Variants in AK8 observed in about 807,000 individuals in gnomAD.
The protein encoded by AK8 is adenylate kinase 8, also known as ATP-AMP transphosphorylase 8.
Under a neutral mutation model 54.6 loss-of-function variants are expected in AK8, and 44 were observed. The ratio of observed to expected loss-of-function variants is 0.81; its 90% CI spans 0.63 to 1.04. The LOEUF (loss-of-function observed/expected upper bound fraction) is 1.04, where lower values mean the gene tolerates loss of function less well. AK8 is among the 50% of genes least tolerant of loss of function. AK8 has a pLI of 0.00. For synonymous variants in AK8, 239 were observed against 245.6 expected (o/e 0.97, Z 0.25); for missense variants, 555 against 613.6 (o/e 0.90, Z 1.01).
At chr9:132,748,540 T>C (rs1244135511) in intron 11 of AK8, among the ~76,000 whole-genome samples, 1 of 151,882 alleles carries the variant, frequency 6.6e-6, no homozygotes, top group Non-Finnish European at 1.5e-5. Flanking sequence ...GTTCATTCAT[T>C]CATTCAACAA....
chr9:132,725,719 A>C lies in AK8; in HGVS notation c.1409T>G (p.Ile470Ser), dbSNP rs1836527364. 10 of 1,581,950 alleles carry C rather than the reference A, an allele frequency of 6.3e-6. No individual in the cohort carries two copies. In the East Asian group the frequency reaches 2.3e-4, roughly 36 times the overall value. Reference protein sequence around the residue: ...YTVFEYIESGIINPLPKKIP With the variant: ...YTVFEYIESGSINPLPKKIP Reference sequence around the variant, plus strand: ...GATTTTCTTGGGCAGGGGATTAATGATCCCACTCTCGATGTATTCGAAGAC... The same window carrying C: ...GATTTTCTTGGGCAGGGGATTAATGCTCCCACTCTCGATGTATTCGAAGAC... Residue 470 changes from isoleucine (I) to serine (S), a missense_variant, in exon 13 of 13, where the codon ATC becomes AGC. Coordinates refer to ENST00000298545, the MANE Select transcript of AK8 (RefSeq NM_152572.3).
In AK8 at chr9:132,778,330, G is replaced by A. The variant is rs554958548; in HGVS notation, c.1121+14304C>T. Among the ~76,000 whole-genome samples, 11 of 152,274 alleles carry A rather than the reference G, an allele frequency of 7.2e-5. No individual in the cohort carries two copies. The South Asian group carries it at 2.3e-3, about 32-fold the overall frequency. On this transcript the variant is annotated intron_variant, in intron 11 of 12. Transcript: ENST00000298545. ...GGCTCAGGCCCAGAGCTGCAGTAAT[G>A]GAGTTATTAACCTTCGTCAGCCACT...
At chr9:132,802,117 G>A (rs1840487035) in intron 10 of AK8, among the ~76,000 whole-genome samples, 1 of 152,210 alleles carries the variant, frequency 6.6e-6, no homozygotes, top group Admixed American at 6.5e-5. Context: ...CCAAAGCCAC[G>A]GAGGTATTGG....
intron 9 of AK8, among the ~76,000 whole-genome samples, chr9:132,822,252 T>C (rs1482585032): frequency 2.1e-5 from 2 of 96,434 alleles, no homozygotes; most frequent in Non-Finnish European, 2.0e-5. Context: ...TATATACATA[T>C]ATGTGTATGT....
intron 5 of AK8, among the ~76,000 whole-genome samples, chr9:132,853,431 G>GA (rs1843049738): frequency 1.3e-5 from 2 of 151,352 alleles, no homozygotes; most frequent in Non-Finnish European, 1.5e-5. Context: ...AGTAGTCAGA[G>GA]AAAAAAATGA....
Position 132,781,623 on chromosome 9 carries a change from CT to C in AK8, c.1121+11010del, listed in dbSNP as rs2131129686. Among the ~76,000 whole-genome samples, 1 of 152,026 alleles carries C rather than the reference CT, an allele frequency of 6.6e-6. No homozygotes were observed. Among genetic ancestry groups the C allele is most frequent in the South Asian group, 2.1e-4 (1 of 4,798 alleles). Reference sequence around the variant, plus strand: ...ATTGAACCTTCCTTAAAAAAAGAGCCTTTGTAGATTTTCATATCTGAATTAT... The same window carrying C: ...ATTGAACCTTCCTTAAAAAAAGAGCCTTGTAGATTTTCATATCTGAATTAT... On this transcript the variant is annotated intron_variant, in intron 11 of 12. Transcript: ENST00000298545. The surrounding 1 kb of genome is among the most constrained non-coding windows in gnomAD (Gnocchi z 4.6).
chr9:132,819,718 A>AT lies in AK8; in HGVS notation c.889+3486dup, dbSNP rs1178123762. 6.6e-5 allele frequency among the ~76,000 whole-genome samples: 10 copies of AT among 152,248 alleles called. No homozygotes were observed. The South Asian group carries it at 1.2e-3, about 19-fold the overall frequency. On this transcript the variant is annotated intron_variant, in intron 9 of 12. Coordinates refer to ENST00000298545, the MANE Select transcript of AK8 (RefSeq NM_152572.3). ...CTATAACCAACAATGCAGAATACCT[A>AT]TTTTTTTAAGTACACTTGGAATTCA...
chr9:132,786,811 A>G (rs1341465565), intron 11 of AK8, among the ~76,000 whole-genome samples: 3 of 152,184 alleles, frequency 2.0e-5, no homozygotes, highest in African/African-American at 4.8e-5. Flanking sequence ...CAAAAATTCA[A>G]TAGAAACTGG....
chr9:132,820,661 G>C (rs1323168456), intron 9 of AK8, among the ~76,000 whole-genome samples: 3 of 152,234 alleles, frequency 2.0e-5, no homozygotes, highest in Non-Finnish European at 2.9e-5. Flanking sequence ...AGAAAGTCGT[G>C]TCCGTATATA....
Position 132,799,955 on chromosome 9 carries a change from C to T in AK8, c.980-7180G>A, listed in dbSNP as rs552291620. ...AGGATCCCAATAGGACCCAGGAGGTCCAGGGAATCTTACAAAAGGAACAGG... is the reference window on the plus strand; with the variant it reads ...AGGATCCCAATAGGACCCAGGAGGTTCAGGGAATCTTACAAAAGGAACAGG... On this transcript the variant is annotated intron_variant, in intron 10 of 12. Coordinates refer to ENST00000298545, the MANE Select transcript of AK8 (RefSeq NM_152572.3). The surrounding 1 kb of genome is among the most constrained non-coding windows in gnomAD (Gnocchi z 5.0). Among the ~76,000 whole-genome samples, 2 of 152,244 alleles carry T rather than the reference C, an allele frequency of 1.3e-5. No individual in the cohort carries two copies. The highest frequency in any genetic ancestry group is 2.1e-4 in the South Asian group (1 of 4,814).
At chr9:132,877,866 G>A in intron 1 of AK8, 1 of 643,914 alleles carries the variant, frequency 1.6e-6, no homozygotes, top group East Asian at 3.3e-5. Flanking sequence ...GGGAAACCGA[G>A]AAAAGGAAAG....
At chr9:132,740,784 T>C (rs942946895) in intron 11 of AK8, among the ~76,000 whole-genome samples, 1 of 152,168 alleles carries the variant, frequency 6.6e-6, no homozygotes, top group Non-Finnish European at 1.5e-5. Flanking sequence ...ACCCAGGCCT[T>C]GGAAAGTACA....
rs753526717 is a variant in AK8, at chr9:132,814,625, G to C, written c.979+13C>G. ...CCTGTAAGGTCATGACAGTTAGTGG[G>C]AACGTGGCCTACCTGCCATCTCCTT... On this transcript the variant is annotated intron_variant, in intron 10 of 12. Transcript: ENST00000298545. 7.4e-6 allele frequency: 12 copies of C among 1,612,880 alleles called. No homozygotes were observed. Among genetic ancestry groups the C allele is most frequent in the African/African-American group, 1.3e-5 (1 of 74,860 alleles).
rs567832462 is a variant in AK8, at chr9:132,791,765, C to T, written c.1121+869G>A. 9.8e-5 allele frequency among the ~76,000 whole-genome samples: 15 copies of T among 152,288 alleles called. No individual in the cohort carries two copies. Among genetic ancestry groups the T allele is most frequent in the African/African-American group, 3.4e-4 (14 of 41,558 alleles). ...AACCCACAACCTGCAGCAACCTGCC[C>T]GGGGTGTCAGACCACAATCTCTGCA... is the stretch of plus-strand genomic sequence containing the variant. On this transcript the variant is annotated intron_variant, in intron 11 of 12. Transcript: ENST00000298545. The surrounding 1 kb of genome is among the most constrained non-coding windows in gnomAD (Gnocchi z 4.0).
Position 132,853,836 on chromosome 9 carries a change from G to A in AK8, c.402+1021C>T, listed in dbSNP as rs181491773. On this transcript the variant is annotated intron_variant, in intron 5 of 12. Coordinates refer to ENST00000298545, the MANE Select transcript of AK8 (RefSeq NM_152572.3). ...AAACAGAGTGCTAGCTTTGGCAAGC[G>A]CATATACTAAAATTAGAACAATACA... Among the ~76,000 whole-genome samples, 113 of 143,356 alleles carry A rather than the reference G, an allele frequency of 7.9e-4. 1 individual carries two copies. Among genetic ancestry groups the A allele is most frequent in the African/African-American group, 2.5e-3 (99 of 39,668 alleles). The allele number at this position is 143,356 out of a possible 152,430, so 94.0% of individuals were successfully genotyped here.
chr9:132,794,380 C>T (rs527986293), intron 10 of AK8, among the ~76,000 whole-genome samples: 8 of 152,266 alleles, frequency 5.3e-5, no homozygotes, highest in South Asian at 4.1e-4. Context: ...CACCTCCCTT[C>T]GAACGTGCCA....
chr9:132,862,155 C>A (rs935401722), intron 4 of AK8, among the ~76,000 whole-genome samples: 1 of 152,170 alleles, frequency 6.6e-6, no homozygotes, highest in Non-Finnish European at 1.5e-5. Context: ...AGGCTGGTGT[C>A]CCCGCAAGCT....
chr9:132,746,244 A>T (rs1837649133), intron 11 of AK8, among the ~76,000 whole-genome samples: 1 of 152,126 alleles, frequency 6.6e-6, no homozygotes, highest in Admixed American at 6.5e-5. Flanking sequence ...AGACACACAC[A>T]CGAAACAAAT....
intron 9 of AK8, among the ~76,000 whole-genome samples, chr9:132,818,185 C>G (rs1015651308): frequency 6.6e-6 from 1 of 152,084 alleles, no homozygotes; most frequent in Admixed American, 6.5e-5. Context: ...AAATTTGTCA[C>G]CAGCACACTT....
Sources: gnomAD v4.1 joint callset for allele counts (sites outside exome capture counted in the v4.1 genomes callset) on GRCh38, gnomAD v4.1.1 for gene constraint, Gnocchi (gnomAD v3.1) non-coding constraint, MANE v1.5 for transcripts, NCBI Gene and HGNC (gene_info 2026-07-23, HGNC 2026-07-21) for gene names.